Variants in TTC6 observed in about 807,000 individuals in gnomAD.
TTC6 encodes the protein tetratricopeptide repeat protein 6.
Under a neutral mutation model 210.4 loss-of-function variants are expected in TTC6, and 172 were observed. That is an observed-to-expected ratio of 0.82 (90% CI 0.72 to 0.93). TTC6 has a LOEUF of 0.93. Ranked by LOEUF, TTC6 falls within the 40% of genes least tolerant of loss-of-function variation. TTC6 has a pLI of 0.00. For missense variants in TTC6, 2,414 were observed against 2,318.1 expected (o/e 1.04, Z -0.85); for synonymous variants, 804 against 819.6 (o/e 0.98, Z 0.32).
At chr14:37,738,678 AC>A (rs1334726698) in intron 9 of TTC6, 97 bp from the exon 12 acceptor site, 6 of 1,038,404 alleles carry the variant, frequency 5.8e-6, no homozygotes, top group African/African-American at 3.3e-5. Context: ...AAGTGACCAA[AC>A]CACATTAATA....
Position 37,818,137 on chromosome 14 carries a change from A to G in TTC6, c.4763+486A>G, listed in dbSNP as rs145822756. ...GTAACTAAATATAATACTAAGTAAA[A>G]AACACCAGGAAATATCTATAAAAAA... On this transcript the variant is annotated intron_variant, in intron 26 of 30. Transcript: ENST00000553443. Among the ~76,000 whole-genome samples, 124 of 152,292 alleles carry G rather than the reference A, an allele frequency of 8.1e-4. 1 individual carries two copies. In the East Asian group the frequency reaches 0.02, roughly 25 times the overall value.
intron 5 of TTC6, 115 bp from the exon 8 acceptor site, chr14:37,714,540 G>C (rs2095849406): frequency 1.5e-5 from 11 of 728,826 alleles, no homozygotes; most frequent in Non-Finnish European, 2.3e-5. Context: ...TCTCTGTTTA[G>C]TGCAGATGTC....
intron 1 of TTC6, among the ~76,000 whole-genome samples, chr14:37,675,299 T>G (rs1192423248): frequency 6.6e-6 from 1 of 152,140 alleles, no homozygotes; most frequent in Non-Finnish European, 1.5e-5. Context: ...ATTCTGGATG[T>G]TTCATATAAA....
intron 2 of TTC6, among the ~76,000 whole-genome samples, chr14:37,608,317 T>G (rs2095628804): frequency 6.6e-6 from 1 of 152,068 alleles, no homozygotes; most frequent in African/African-American, 2.4e-5. Context: ...TTTTTGTTGT[T>G]GTTGTTTTTT....
intron 29 of TTC6, among the ~76,000 whole-genome samples, chr14:37,828,414 CT>C (rs2096177254): frequency 6.6e-6 from 1 of 151,734 alleles, no homozygotes; most frequent in South Asian, 2.1e-4. Flanking sequence ...AAAAGTATGC[CT>C]TTTACCCAAG....
chr14:37,701,665 C>A (rs1394453596), intron 5 of TTC6, 139 bp downstream of exon 7: 7 of 680,328 alleles, frequency 1.0e-5, no homozygotes, highest in Non-Finnish European at 1.6e-5. Context: ...TTTTTTTCTG[C>A]TGCTTCCTCA....
chr14:37,611,986 C>A (rs1231801733), intron 2 of TTC6, among the ~76,000 whole-genome samples: 1 of 137,052 alleles, frequency 7.3e-6, no homozygotes, highest in African/African-American at 2.7e-5. Flanking sequence ...TAAAGGAGAT[C>A]AATAGTTTTT....
At chr14:37,710,599 A>G (rs1022214795) in intron 5 of TTC6, among the ~76,000 whole-genome samples, 5 of 152,146 alleles carry the variant, frequency 3.3e-5, no homozygotes, top group Non-Finnish European at 5.9e-5. Flanking sequence ...AAGCCTCTTC[A>G]CATACATGAT....
chr14:37,695,542 T>C (rs10140198), intron 3 of TTC6, among the ~76,000 whole-genome samples: 151,434 of 152,142 alleles, frequency 1, 75,372 homozygotes, highest in Middle Eastern at 1. Flanking sequence ...TTAGTAGAGA[T>C]GGGTTTCTCC....
intron 14 of TTC6, among the ~76,000 whole-genome samples, chr14:37,759,716 C>G (rs1187115496): frequency 6.6e-6 from 1 of 152,132 alleles, no homozygotes; most frequent in Non-Finnish European, 1.5e-5. Context: ...TCTTTCTTGT[C>G]TAATCTTGTC....
chr14:37,717,773 G>T (rs2095855086), intron 6 of TTC6, among the ~76,000 whole-genome samples: 2 of 152,094 alleles, frequency 1.3e-5, no homozygotes, highest in Non-Finnish European at 1.5e-5. Context: ...AAGAAAGAAA[G>T]AAAGAAAGAA....
intron 1 of TTC6, among the ~76,000 whole-genome samples, chr14:37,679,875 A>T (rs369676349): frequency 1.3e-5 from 2 of 151,870 alleles, no homozygotes; most frequent in East Asian, 3.9e-4. Context: ...TTTTTACTAG[A>T]GTTGGGGTTT....
At chr14:37,728,688 C>T (rs547046717) in intron 7 of TTC6, among the ~76,000 whole-genome samples, 1 of 151,948 alleles carries the variant, frequency 6.6e-6, no homozygotes, top group South Asian at 2.1e-4. Context: ...TGTTTTGGTC[C>T]TACTATTATT....
chr14:37,815,262 A>G (rs943074540), intron 25 of TTC6, among the ~76,000 whole-genome samples: 3 of 152,160 alleles, frequency 2.0e-5, no homozygotes, highest in Non-Finnish European at 2.9e-5. Flanking sequence ...ACGAGTAATC[A>G]TAAGTGTATA....
At chr14:37,651,438 T>G (rs1212994489) in intron 1 of TTC6, among the ~76,000 whole-genome samples, 4 of 81,336 alleles carry the variant, frequency 4.9e-5, no homozygotes, top group African/African-American at 2.4e-4. Flanking sequence ...TTTTTTTTTT[T>G]TTTTTTTTTT....
chr14:37,711,636 G>C (rs1427592246), intron 5 of TTC6, among the ~76,000 whole-genome samples: 4 of 152,108 alleles, frequency 2.6e-5, no homozygotes, highest in African/African-American at 9.7e-5. Context: ...CAAAGCAGAT[G>C]GTGCCCAGAC....
intron 14 of TTC6, among the ~76,000 whole-genome samples, chr14:37,776,641 G>A (rs1483610241): frequency 3.9e-5 from 6 of 152,100 alleles, no homozygotes; most frequent in African/African-American, 1.4e-4. Flanking sequence ...TGCTGAATAT[G>A]GGCTGAGGAT....
chr14:37,801,077 T>A (rs1368587668), intron 20 of TTC6, among the ~76,000 whole-genome samples: 1 of 152,186 alleles, frequency 6.6e-6, no homozygotes, highest in Non-Finnish European at 1.5e-5. Flanking sequence ...AGTGGCTCAT[T>A]TTAATCTTCC....
intron 1 of TTC6, among the ~76,000 whole-genome samples, chr14:37,632,555 C>A (rs1220645835): frequency 6.6e-6 from 1 of 152,182 alleles, no homozygotes; most frequent in South Asian, 2.1e-4. Flanking sequence ...TGTCTGTTTA[C>A]CCCTGCTGGG....
Sources: gnomAD v4.1 joint callset for allele counts (sites outside exome capture counted in the v4.1 genomes callset) on GRCh38, gnomAD v4.1.1 for gene constraint, MANE v1.5 for transcripts, NCBI Gene and HGNC (gene_info 2026-07-23, HGNC 2026-07-21) for gene names.